Variants in JAK1 observed in about 807,000 individuals in gnomAD.
JAK1 encodes the protein Janus kinase 1, also known as tyrosine-protein kinase JAK1.
Under a neutral mutation model 136.6 loss-of-function variants are expected in JAK1, and 16 were observed. The ratio of observed to expected loss-of-function variants is 0.12; its 90% CI spans 0.08 to 0.18. The LOEUF (loss-of-function observed/expected upper bound fraction) is 0.18. Ranked by LOEUF, JAK1 falls within the 10% of genes least tolerant of loss-of-function variation. The pLI, the probability that JAK1 is intolerant of heterozygous loss-of-function variation, is 1.00. For missense variants in JAK1, 859 were observed against 1,450.1 expected (o/e 0.59, Z 6.62); for synonymous variants, 492 against 519.5 (o/e 0.95, Z 0.72).
chr1:64,914,387 A>T (rs1442761474), intron 1 of JAK1, among the ~76,000 whole-genome samples: 1 of 152,250 alleles, frequency 6.6e-6, no homozygotes. Context: ...TCTGACTCTA[A>T]ACACTTTGAG....
chr1:64,964,881 C>A (rs1001240194), intron 1 of JAK1, among the ~76,000 whole-genome samples: 2 of 152,114 alleles, frequency 1.3e-5, no homozygotes, highest in Non-Finnish European at 2.9e-5. Context: ...ATGTCTGGAA[C>A]CCTGGTGGTC....
intron 2 of JAK1, chr1:64,974,146 C>T (rs1044621193): frequency 2.0e-5 from 3 of 152,140 alleles, no homozygotes. Flanking sequence ...GTATGGGTAT[C>T]ACACATTTGG....
In JAK1 at chr1:64,881,504, CA is replaced by C. The variant is rs1305445307; in HGVS notation, c.205+1772del. On this transcript the variant is annotated intron_variant, in intron 3 of 24. Transcript: ENST00000342505. ...AACTTTACCCCACAGAGGTGAAAAA[CA>C]GGAAAGAAAACAATACTGCCCTCAA... Among the ~76,000 whole-genome samples, 6 of 151,966 alleles carry C rather than the reference CA, an allele frequency of 3.9e-5. No homozygotes were observed. In the East Asian group the frequency reaches 9.7e-4, roughly 24 times the overall value.
chr1:64,888,770 A>G (rs1009459580), intron 1 of JAK1, among the ~76,000 whole-genome samples: 1 of 152,240 alleles, frequency 6.6e-6, no homozygotes. Flanking sequence ...TGTGATGCTT[A>G]GCCTAGAGAT....
chr1:64,950,059 C>A (rs1646054702), intron 1 of JAK1, among the ~76,000 whole-genome samples: 1 of 152,038 alleles, frequency 6.6e-6, no homozygotes, highest in Non-Finnish European at 1.5e-5. Context: ...TATACATTAT[C>A]GATAAAGACT....
chr1:64,994,985 A>G (rs2100733717), intron 2 of JAK1: 1 of 149,328 alleles, frequency 6.7e-6, no homozygotes, highest in African/African-American at 2.5e-5. Context: ...AAAAAAACCT[A>G]CCCAGAATCC....
intron 9 of JAK1, among the ~76,000 whole-genome samples, chr1:64,858,179 T>C (rs1417423862): frequency 6.6e-6 from 1 of 152,110 alleles, no homozygotes; most frequent in Non-Finnish European, 1.5e-5. Flanking sequence ...CTGGAGGCCA[T>C]GTTGTTTATT....
intron 1 of JAK1, among the ~76,000 whole-genome samples, chr1:65,065,889 C>G (rs956389829): frequency 2.6e-5 from 4 of 151,526 alleles, no homozygotes; most frequent in African/African-American, 7.3e-5. Flanking sequence ...CTCTCTCTCC[C>G]TCAACCTAGG....
intron 1 of JAK1, among the ~76,000 whole-genome samples, chr1:65,052,861 C>CAAAAAA (rs35560095): frequency 1.1e-5 from 1 of 88,674 alleles, no homozygotes; most frequent in Non-Finnish European, 2.0e-5. Context: ...GACTCCATCT[C>CAAAAAA]AAAAAAAAAA....
intron 3 of JAK1, among the ~76,000 whole-genome samples, chr1:64,882,541 G>GA (rs1644790065): frequency 6.6e-6 from 1 of 152,220 alleles, no homozygotes; most frequent in African/African-American, 2.4e-5. Flanking sequence ...AAGTGGATTA[G>GA]ATCTGTGATT....
chr1:64,847,393 G>T, intron 13 of JAK1, 139 bp downstream of exon 13: 1 of 967,350 alleles, frequency 1.0e-6, no homozygotes, highest in Non-Finnish European at 1.6e-6. Context: ...ATCATATGTG[G>T]AGAAAAAAAT....
At chr1:64,841,136 C>A (rs1654872633) in intron 19 of JAK1, 109 bp downstream of exon 19, 4 of 815,350 alleles carry the variant, frequency 4.9e-6, no homozygotes, top group Non-Finnish European at 8.2e-6. Context: ...CGCTCATGGA[C>A]CTGGCCCCAG....
At chr1:65,032,575 T>C (rs551323860) in intron 2 of JAK1, among the ~76,000 whole-genome samples, 128 of 152,354 alleles carry the variant, frequency 8.4e-4, no homozygotes, top group African/African-American at 2.9e-3. Context: ...TAATTTCAAA[T>C]GACCTGGCTT....
intron 2 of JAK1, chr1:64,974,180 A>G (rs973095522): frequency 3.3e-5 from 5 of 152,208 alleles, no homozygotes; most frequent in Admixed American, 3.3e-4. Context: ...TCATTGCTTG[A>G]GAAAAAAACT....
At chr1:64,889,507 GA>G (rs894717990) in intron 1 of JAK1, among the ~76,000 whole-genome samples, 1 of 151,004 alleles carries the variant, frequency 6.6e-6, no homozygotes, top group African/African-American at 2.4e-5. Flanking sequence ...TGTTTTACAT[GA>G]AAAAAAAATC....
At chr1:64,856,447 C>T (rs999259706) in intron 10 of JAK1, among the ~76,000 whole-genome samples, 1 of 152,090 alleles carries the variant, frequency 6.6e-6, no homozygotes, top group African/African-American at 2.4e-5. Flanking sequence ...GTAGGTACAA[C>T]GCTTGGCACA....
At chr1:65,051,132 T>C (rs936803281) in intron 1 of JAK1, among the ~76,000 whole-genome samples, 1 of 152,082 alleles carries the variant, frequency 6.6e-6, no homozygotes, top group Non-Finnish European at 1.5e-5. Context: ...GCAAATTTTA[T>C]GCTATTAGAC....
chr1:64,966,999 GC>G (rs1248930445), upstream of JAK1, among the ~76,000 whole-genome samples: 1 of 151,084 alleles, frequency 6.6e-6, no homozygotes, highest in East Asian at 2.0e-4. Flanking sequence ...TAACAATACA[GC>G]CCCCAGCTTG....
chr1:65,024,406 G>A (rs1569898493), intron 2 of JAK1, among the ~76,000 whole-genome samples: 1 of 151,984 alleles, frequency 6.6e-6, no homozygotes, highest in South Asian at 2.1e-4. Flanking sequence ...CACCTTCTTT[G>A]GGGAAATGTC....
Sources: gnomAD v4.1 joint callset for allele counts (sites outside exome capture counted in the v4.1 genomes callset) on GRCh38, gnomAD v4.1.1 for gene constraint, MANE v1.5 for transcripts, NCBI Gene and HGNC (gene_info 2026-07-23, HGNC 2026-07-21) for gene names.